The following CTNNA3 variants were observed in gnomAD, a reference collection of about 807,000 sequenced individuals.
The protein encoded by CTNNA3 is catenin alpha-3.
A neutral mutation model predicts 95.7 loss-of-function variants in CTNNA3; 76 were observed. That is an observed-to-expected ratio of 0.79 (90% CI 0.66 to 0.96). The LOEUF is 0.96. CTNNA3 is among the 40% of genes least tolerant of loss of function. CTNNA3 has a pLI of 0.00. For missense variants in CTNNA3, 1,191 were observed against 1,089.8 expected, an observed-to-expected ratio of 1.09 and a Z score of -1.31; for synonymous variants, 431 against 374.4, an observed-to-expected ratio of 1.15 and a Z score of -1.74.
chr10:66,826,494 T>C (rs1589299077), intron 7 of CTNNA3, among the ~76,000 whole-genome samples: 1 of 152,284 alleles, frequency 6.6e-6, no homozygotes, highest in Middle Eastern at 3.4e-3. Context: ...CAGCCTAGAA[T>C]GTTTGTTTTC....
intron 10 of CTNNA3, among the ~76,000 whole-genome samples, chr10:66,567,588 T>C (rs1417693771): frequency 6.6e-6 from 1 of 151,950 alleles, no homozygotes; most frequent in Non-Finnish European, 1.5e-5. Flanking sequence ...CTCTGCACTC[T>C]AGCCTGCGTG....
At chr10:66,028,512 G>A (rs1052963490) in intron 15 of CTNNA3, among the ~76,000 whole-genome samples, 7 of 151,560 alleles carry the variant, frequency 4.6e-5, no homozygotes, top group South Asian at 2.1e-4. Context: ...ACCAAACACC[G>A]CATGTTCTCA....
chr10:67,315,812 T>C (rs1367367310), intron 5 of CTNNA3, among the ~76,000 whole-genome samples: 1 of 152,154 alleles, frequency 6.6e-6, no homozygotes, highest in East Asian at 1.9e-4. Context: ...AAAGTATGTT[T>C]GTTATTTTTT....
At chr10:66,375,825 C>A (rs942302025) in intron 12 of CTNNA3, among the ~76,000 whole-genome samples, 1 of 152,030 alleles carries the variant, frequency 6.6e-6, no homozygotes. Flanking sequence ...GTCTCATTTG[C>A]CTTTGAGACA....
intron 15 of CTNNA3, among the ~76,000 whole-genome samples, chr10:66,020,909 A>G (rs574953313): frequency 4.6e-4 from 70 of 152,020 alleles, no homozygotes; most frequent in East Asian, 2.3e-3. Flanking sequence ...TCCTGACCTC[A>G]TGATCCGCCC....
At chr10:66,740,935 G>A (rs776088870) in intron 9 of CTNNA3, among the ~76,000 whole-genome samples, 11 of 152,144 alleles carry the variant, frequency 7.2e-5, no homozygotes, top group Non-Finnish European at 1.0e-4. Flanking sequence ...TTCTAAAAGC[G>A]TGGTCCATGA....
At chr10:67,363,770 C>T (rs144585255) in intron 5 of CTNNA3, among the ~76,000 whole-genome samples, 2,711 of 152,184 alleles carry the variant, frequency 0.018, 85 homozygotes, top group African/African-American at 0.06. Context: ...CAAGACTAAA[C>T]CAGGAAGAAG....
chr10:67,116,721 A>AATATATATATATATATATATAT (rs34041126), intron 7 of CTNNA3, among the ~76,000 whole-genome samples: 1 of 143,530 alleles, frequency 7.0e-6, no homozygotes, highest in African/African-American at 2.5e-5. Flanking sequence ...CAGTTTTGAA[A>AATATATATATATATATATATAT]ATATATATAT....
At chr10:66,119,805 G>A (rs1190626162) in intron 13 of CTNNA3, among the ~76,000 whole-genome samples, 1 of 151,976 alleles carries the variant, frequency 6.6e-6, no homozygotes, top group African/African-American at 2.4e-5. Flanking sequence ...TTGCTGATGA[G>A]GAACCAATAA....
chr10:66,096,207 T>G (rs1027259972), intron 14 of CTNNA3, among the ~76,000 whole-genome samples: 5 of 152,180 alleles, frequency 3.3e-5, no homozygotes, highest in Non-Finnish European at 7.3e-5. Flanking sequence ...CAAATTCCTT[T>G]TCTCACCACT....
chr10:66,073,074 G>C (rs2080474589), intron 14 of CTNNA3, among the ~76,000 whole-genome samples: 1 of 151,990 alleles, frequency 6.6e-6, no homozygotes, highest in Non-Finnish European at 1.5e-5. Flanking sequence ...ATCTAAAAAC[G>C]GTATCACAAA....
intron 11 of CTNNA3, among the ~76,000 whole-genome samples, chr10:66,509,778 G>T (rs914416771): frequency 2.2e-4 from 34 of 151,550 alleles, no homozygotes; most frequent in African/African-American, 8.0e-4. Context: ...TACTATTACT[G>T]TGTATTATAT....
chr10:66,575,663 A>C (rs913128691), intron 10 of CTNNA3, among the ~76,000 whole-genome samples: 3 of 152,158 alleles, frequency 2.0e-5, no homozygotes, highest in African/African-American at 7.2e-5. Flanking sequence ...TCTAAACTCC[A>C]AAGCCTGTGC....
Position 66,788,617 on chromosome 10 carries a change from ACTC to A in CTNNA3, c.1048-13096_1048-13094del, listed in dbSNP as rs1438106707. On this transcript the variant is annotated intron_variant, in intron 7 of 17. Coordinates refer to ENST00000433211, the MANE Select transcript of CTNNA3 (RefSeq NM_013266.4). Reference sequence around the variant, plus strand: ...TGTTGTTAGAAAGCTGAGGATATTAACTCCTCCTTCCATCAACCCCAGGGAAAC... The same window carrying A: ...TGTTGTTAGAAAGCTGAGGATATTAACTCCTTCCATCAACCCCAGGGAAAC... 2.6e-5 allele frequency among the ~76,000 whole-genome samples: 4 copies of A among 152,062 alleles called. No individual in the cohort carries two copies. The East Asian group carries it at 7.7e-4, about 29-fold the overall frequency.
At chr10:67,479,097 T>C (rs1375755331) in intron 5 of CTNNA3, among the ~76,000 whole-genome samples, 2 of 152,126 alleles carry the variant, frequency 1.3e-5, no homozygotes, top group Non-Finnish European at 2.9e-5. Context: ...AGCACCTAGA[T>C]TTATAGAACA....
chr10:67,707,810 C>T (rs1021222666), intron 1 of CTNNA3, among the ~76,000 whole-genome samples: 1 of 152,134 alleles, frequency 6.6e-6, no homozygotes, highest in Non-Finnish European at 1.5e-5. Context: ...AAGATGTCAG[C>T]TTCATCAGAG....
At chr10:65,965,402 T>C (rs903634911) in intron 17 of CTNNA3, among the ~76,000 whole-genome samples, 3 of 124,304 alleles carry the variant, frequency 2.4e-5, no homozygotes, top group African/African-American at 9.8e-5. Context: ...ACTTTTTTTT[T>C]TTTTTTTTTT....
At chr10:66,766,961 T>G (rs1036251600) in intron 8 of CTNNA3, among the ~76,000 whole-genome samples, 1 of 152,066 alleles carries the variant, frequency 6.6e-6, no homozygotes, top group African/African-American at 2.4e-5. Context: ...TTTGCATTCA[T>G]TGTTCTTGCC....
At position 66,041,012 on chromosome 10, in the gene CTNNA3, G is replaced by A. The variant is rs11814618; in HGVS notation, c.2159+28296C>T. Among the ~76,000 whole-genome samples the A allele has an allele frequency of 4.4e-3, 672 of 152,164 alleles. 4 individuals carry two copies. The highest frequency in any genetic ancestry group is 0.015 in the African/African-American group (630 of 41,510). On this transcript the variant is annotated intron_variant, in intron 15 of 17. Transcript: ENST00000433211. ...AAAAGGAAAAAGTGTAACTTTACAG[G>A]GGAGAAAGCCAGCAGACACCACCTT...
Sources: allele counts gnomAD v4.1 joint callset (sites outside exome capture counted in the v4.1 genomes callset), GRCh38; gene constraint gnomAD v4.1.1; transcripts MANE v1.5; gene names NCBI Gene and HGNC (gene_info 2026-07-23, HGNC 2026-07-21).